The following DOCK8 variants were observed in gnomAD, a reference collection of about 807,000 sequenced individuals.
The protein encoded by DOCK8 is dedicator of cytokinesis protein 8.
In DOCK8, 141 loss-of-function variants were observed where a neutral mutation model predicts 245.6. That is an observed-to-expected ratio of 0.57 (90% CI 0.50 to 0.66). DOCK8 has a LOEUF of 0.66. Among genes scored for constraint, DOCK8 ranks in the 30% least tolerant of loss-of-function variants. The probability of loss-of-function intolerance (pLI) is 0.00; values close to 1 mark genes in which losing one functional copy is unlikely to be tolerated. For missense variants in DOCK8, 2,965 were observed against 2,603.4 expected (o/e 1.14, Z -3.02); for synonymous variants, 1,168 against 970.2 (o/e 1.20, Z -3.79).
At chr9:377,881 T>C (rs1184206369) in intron 20 of DOCK8, among the ~76,000 whole-genome samples, 1 of 152,226 alleles carries the variant, frequency 6.6e-6, no homozygotes, top group African/African-American at 2.4e-5. Flanking sequence ...TCTCAAAAGC[T>C]TATCCTGGAG....
chr9:258,649 G>A (rs2047838513), intron 1 of DOCK8, among the ~76,000 whole-genome samples: 1 of 142,572 alleles, frequency 7.0e-6, no homozygotes, highest in African/African-American at 2.6e-5. Context: ...CCAGGCTGGG[G>A]TACAGTGTCA....
intron 1 of DOCK8, among the ~76,000 whole-genome samples, chr9:255,620 A>G (rs1463724883): frequency 1.4e-5 from 2 of 140,264 alleles, no homozygotes; most frequent in African/African-American, 5.3e-5. Flanking sequence ...GTGAGCCGAG[A>G]TCGCGCCACT....
intron 30 of DOCK8, 52 bp from the exon 31 acceptor site, chr9:420,348 TC>T: frequency 6.2e-7 from 1 of 1,605,968 alleles, no homozygotes; most frequent in East Asian, 2.2e-5. Context: ...CTCAAATTTT[TC>T]TGTTGCTTGA....
At chr9:400,933 A>C (rs1037129345) in intron 26 of DOCK8, among the ~76,000 whole-genome samples, 454 of 12,022 alleles carry the variant, frequency 0.038, 2 homozygotes, top group African/African-American at 0.051. Context: ...TCACCACAAC[A>C]TCCACCACCA....
intron 1 of DOCK8, among the ~76,000 whole-genome samples, chr9:218,397 A>C (rs2046810699): frequency 6.6e-6 from 1 of 152,246 alleles, no homozygotes; most frequent in Non-Finnish European, 1.5e-5. Flanking sequence ...TCTGAGAAGA[A>C]AGGTGAAATT....
At chr9:314,212 A>G (rs75790636) in intron 6 of DOCK8, 4 of 152,322 alleles carry the variant, frequency 2.6e-5, no homozygotes, top group African/African-American at 9.6e-5. Flanking sequence ...CATCCACGAC[A>G]TTAAGACTTT....
In DOCK8 at chr9:286,469, T is replaced by C. The variant is rs371059454; in HGVS notation, c.165T>C (p.Phe55=). ...SGFPSLQLPQ[F]YDPVEPVDFE... ...TTTCCCTGCCCCTCCAGCCTCAGTT[T>C]TATGACCCTGTGGAGCCAGTGGACT... The change falls in exon 3 of 48, where the codon TTT becomes TTC. Residue 55 remains phenylalanine, a synonymous_variant. Transcript: ENST00000432829. 23 of 1,613,770 alleles carry C rather than the reference T, an allele frequency of 1.4e-5. No individual in the cohort carries two copies. Among genetic ancestry groups the C allele is most frequent in the Admixed American group, 5.0e-5 (3 of 59,978 alleles).
At chr9:397,714 T>C (rs1368900296) in intron 25 of DOCK8, among the ~76,000 whole-genome samples, 1 of 152,108 alleles carries the variant, frequency 6.6e-6, no homozygotes, top group African/African-American at 2.4e-5. Context: ...ATATGAAAGA[T>C]AATATTTTTG....
At chr9:338,915 A>T in intron 12 of DOCK8, 91 bp from the exon 13 acceptor site, 1 of 1,031,076 alleles carries the variant, frequency 9.7e-7, no homozygotes, top group Non-Finnish European at 1.5e-6. Flanking sequence ...TGAGAATAAA[A>T]CTTAAAGGTA....
chr9:462,412 T>G (rs2057834112), intron 46 of DOCK8, among the ~76,000 whole-genome samples: 1 of 152,240 alleles, frequency 6.6e-6, no homozygotes, highest in African/African-American at 2.4e-5. Context: ...GATAGCAAGT[T>G]TTCATTCTGC....
At chr9:312,424 A>G (rs753060496) in intron 6 of DOCK8, 1 of 599,140 alleles carries the variant, frequency 1.7e-6, no homozygotes, top group South Asian at 1.5e-5. Flanking sequence ...CACTAAGAGC[A>G]TCTCATTTAA....
chr9:411,908 A>G (rs1488544442), intron 28 of DOCK8, among the ~76,000 whole-genome samples: 3 of 152,210 alleles, frequency 2.0e-5, no homozygotes, highest in African/African-American at 7.2e-5. Flanking sequence ...AAAACACTCA[A>G]CAAACCTTTT....
At chr9:423,865 G>T (rs1039832869) in intron 33 of DOCK8, among the ~76,000 whole-genome samples, 2 of 152,118 alleles carry the variant, frequency 1.3e-5, no homozygotes, top group Non-Finnish European at 2.9e-5. Flanking sequence ...CCCTAAGTAG[G>T]CCTGTTTTGC....
chr9:400,809 T>TCAC (rs1387688864), intron 26 of DOCK8, among the ~76,000 whole-genome samples: 1 of 3,996 alleles, frequency 2.5e-4, no homozygotes, highest in Admixed American at 3.1e-3. Flanking sequence ...ACCTCCACCA[T>TCAC]CACCACCACC....
chr9:365,665 G>C (rs577821583), intron 14 of DOCK8: 157 of 451,056 alleles, frequency 3.5e-4, no homozygotes, highest in Non-Finnish European at 6.3e-4. Context: ...ATTATGCTTT[G>C]GAAAAGCTAA....
At chr9:378,635 A>G (rs1424950557) in intron 20 of DOCK8, among the ~76,000 whole-genome samples, 1 of 152,212 alleles carries the variant, frequency 6.6e-6, no homozygotes, top group East Asian at 1.9e-4. Flanking sequence ...ACTGCTTTGT[A>G]TGTTCCAGCT....
intron 5 of DOCK8, among the ~76,000 whole-genome samples, chr9:305,279 CTTTTTCTT>C (rs2130603682): frequency 6.6e-6 from 1 of 151,578 alleles, no homozygotes; most frequent in South Asian, 2.1e-4. Flanking sequence ...TGTCATTATT[CTTTTTCTT>C]TTTTTTTTTT....
intron 9 of DOCK8, among the ~76,000 whole-genome samples, chr9:330,068 T>C (rs2050939825): frequency 6.6e-6 from 1 of 152,228 alleles, no homozygotes; most frequent in Non-Finnish European, 1.5e-5. Flanking sequence ...TCTTTCTTTT[T>C]TGTTTATATT....
chr9:432,291 C>T lies in DOCK8; in HGVS notation c.4752C>T (p.Asp1584=), dbSNP rs1311407117. ...LRTILAYSEE[D]TAMQMTPFPT... ...CAATTTTGGCCTATTCAGAAGAGGA[C>T]ACAGCCATGCAGATGACTCCTTTTC... Residue 1584 remains aspartate (D), a synonymous_variant, in exon 37 of 48, where the codon GAC becomes GAT. Coordinates refer to ENST00000432829, the MANE Select transcript of DOCK8 (RefSeq NM_203447.4). 1 of 1,614,072 alleles carries T rather than the reference C, an allele frequency of 6.2e-7. No homozygotes were observed. Among genetic ancestry groups the T allele is most frequent in the East Asian group, 2.2e-5 (1 of 44,882 alleles).
Sources: allele counts gnomAD v4.1 joint callset (sites outside exome capture counted in the v4.1 genomes callset), GRCh38; gene constraint gnomAD v4.1.1; transcripts MANE v1.5; gene names NCBI Gene and HGNC (gene_info 2026-07-23, HGNC 2026-07-21).